MAF: variants seen among roughly 807,000 people sequenced by gnomAD.
MAF encodes MAF bZIP transcription factor, also known as transcription factor Maf.
Under a neutral mutation model 22.0 loss-of-function variants are expected in MAF, and 10 were observed. The ratio of observed to expected loss-of-function variants is 0.45; its 90% CI spans 0.28 to 0.77. The LOEUF is 0.77. Among genes scored for constraint, MAF ranks in the 30% least tolerant of loss-of-function variants. The pLI, the probability that MAF is intolerant of heterozygous loss-of-function variation, is 0.12. For synonymous variants in MAF, 337 were observed against 255.8 expected, an observed-to-expected ratio of 1.32 and a Z score of -3.03; for missense variants, 544 against 548.4, an observed-to-expected ratio of 0.99 and a Z score of 0.08.
the MAF span, among the ~76,000 whole-genome samples, chr16:79,495,549 C>G: frequency 6.6e-6 from 1 of 152,104 alleles, no homozygotes; most frequent in Non-Finnish European, 1.5e-5. Context: ...GGTCAGAGAC[C>G]ACATATAGAT....
At chr16:79,379,458 G>A in the MAF span, among the ~76,000 whole-genome samples, 6,886 of 151,886 alleles carry the variant, frequency 0.045, 512 homozygotes, top group African/African-American at 0.16. Context: ...AGGGTCAGAG[G>A]ACGTAGGAGC....
chr16:79,456,485 G>T, the MAF span, among the ~76,000 whole-genome samples: 2 of 152,112 alleles, frequency 1.3e-5, no homozygotes, highest in African/African-American at 2.4e-5. Context: ...AATCCAGTGG[G>T]ATCCCCTTAC....
chr16:79,302,763 A>C, the MAF span, among the ~76,000 whole-genome samples: 7 of 152,332 alleles, frequency 4.6e-5, no homozygotes, highest in Admixed American at 4.6e-4. Flanking sequence ...CTGTTATTCA[A>C]AACCTGGACC....
chr16:79,598,166 T>C (rs74457882), intron 1 of MAF: 4 of 999,174 alleles, frequency 4.0e-6, no homozygotes, highest in East Asian at 5.9e-5. Context: ...AAAACTTTGC[T>C]TTTTTTTTTC....
the MAF span, among the ~76,000 whole-genome samples, chr16:79,284,985 A>G: frequency 6.6e-6 from 1 of 152,334 alleles, no homozygotes; most frequent in South Asian, 2.1e-4. Context: ...TAAAAATAGA[A>G]ACGTACGGCA....
chr16:79,399,164 G>A, the MAF span, among the ~76,000 whole-genome samples: 2 of 152,166 alleles, frequency 1.3e-5, no homozygotes, highest in African/African-American at 4.8e-5. Flanking sequence ...CTCTAGCCTT[G>A]AGTAATTATA....
the MAF span, among the ~76,000 whole-genome samples, chr16:79,235,639 C>T: frequency 1.3e-5 from 2 of 152,018 alleles, no homozygotes; most frequent in Non-Finnish European, 2.9e-5. Context: ...ATATGGGCAA[C>T]TCTATGCACA....
chr16:79,263,798 A>G, the MAF span, among the ~76,000 whole-genome samples: 1 of 152,108 alleles, frequency 6.6e-6, no homozygotes, highest in Non-Finnish European at 1.5e-5. Flanking sequence ...GTCTGGCACC[A>G]TGTACTTTCC....
the MAF span, among the ~76,000 whole-genome samples, chr16:79,306,759 C>T: frequency 1.3e-5 from 2 of 152,176 alleles, no homozygotes; most frequent in Admixed American, 6.5e-5. Context: ...TAGACAGCTT[C>T]ACTCTTCAAC....
chr16:79,384,071 T>G, the MAF span, among the ~76,000 whole-genome samples: 2 of 152,234 alleles, frequency 1.3e-5, no homozygotes, highest in Non-Finnish European at 2.9e-5. Flanking sequence ...AGGGGGCTCC[T>G]CCTGAGTTGT....
At chr16:79,356,802 T>G in the MAF span, among the ~76,000 whole-genome samples, 3 of 152,218 alleles carry the variant, frequency 2.0e-5, no homozygotes, top group African/African-American at 7.2e-5. Flanking sequence ...ATGCTGTTGC[T>G]CTTGGGCCCC....
chr16:79,575,947 CAG>C, the MAF span, among the ~76,000 whole-genome samples: 3 of 152,034 alleles, frequency 2.0e-5, no homozygotes, highest in African/African-American at 4.8e-5. Flanking sequence ...TCTACAAGAA[CAG>C]AGAGTCCTAA....
At chr16:79,288,777 TG>T in the MAF span, among the ~76,000 whole-genome samples, 6 of 152,148 alleles carry the variant, frequency 3.9e-5, no homozygotes, top group African/African-American at 1.2e-4. Flanking sequence ...TCACCCAGGC[TG>T]GAGTATAGTG....
chr16:79,567,326 A>AG, the MAF span, among the ~76,000 whole-genome samples: 1 of 152,136 alleles, frequency 6.6e-6, no homozygotes, highest in Non-Finnish European at 1.5e-5. Flanking sequence ...CTCAGAAAAA[A>AG]AAAAATGCAA....
At chr16:79,301,798 A>G in the MAF span, among the ~76,000 whole-genome samples, 1 of 152,226 alleles carries the variant, frequency 6.6e-6, no homozygotes, top group African/African-American at 2.4e-5. Flanking sequence ...ATGATGCTAT[A>G]GGCTTTACAC....
chr16:79,316,678 T>C, the MAF span, among the ~76,000 whole-genome samples: 1 of 152,250 alleles, frequency 6.6e-6, no homozygotes, highest in South Asian at 2.1e-4. Context: ...GAAATGTTAC[T>C]GGGGGAAGGA....
the MAF span, among the ~76,000 whole-genome samples, chr16:79,327,048 C>A: frequency 6.6e-6 from 1 of 152,228 alleles, no homozygotes; most frequent in Admixed American, 6.5e-5. Flanking sequence ...AGTCTGCATA[C>A]TGAACTACTG....
the MAF span, among the ~76,000 whole-genome samples, chr16:79,337,626 G>C: frequency 6.6e-6 from 1 of 152,006 alleles, no homozygotes; most frequent in Non-Finnish European, 1.5e-5. Context: ...ACCCAACCCA[G>C]AAACCATCTC....
At chr16:79,562,756 G>C in the MAF span, among the ~76,000 whole-genome samples, 1 of 152,082 alleles carries the variant, frequency 6.6e-6, no homozygotes, top group Admixed American at 6.6e-5. Context: ...ACTCAGTATT[G>C]TACTCACTCC....
Sources: gnomAD v4.1 joint callset for allele counts (sites outside exome capture counted in the v4.1 genomes callset) on GRCh38, gnomAD v4.1.1 for gene constraint, MANE v1.5 for transcripts, NCBI Gene and HGNC (gene_info 2026-07-23, HGNC 2026-07-21) for gene names.